The following TBCD variants were observed in gnomAD, a reference collection of about 807,000 sequenced individuals.
TBCD encodes the protein tubulin-specific chaperone D.
In TBCD, 105 loss-of-function variants were observed where a neutral mutation model predicts 169.3. The observed-to-expected ratio is 0.62, with a 90% CI of 0.53 to 0.73. TBCD has a LOEUF of 0.73. Ranked by LOEUF, TBCD falls within the 30% of genes least tolerant of loss-of-function variation. The probability of loss-of-function intolerance (pLI) is 0.00; values close to 1 mark genes in which losing one functional copy is unlikely to be tolerated. For synonymous variants in TBCD, 700 were observed against 643.9 expected, an observed-to-expected ratio of 1.09 and a Z score of -1.32; for missense variants, 1,444 against 1,600.1, an observed-to-expected ratio of 0.90 and a Z score of 1.66.
Position 82,927,979 on chromosome 17 carries a change from A to G in TBCD, c.2684A>G (p.Glu895Gly). 1.2e-6 allele frequency: 2 copies of G among 1,611,284 alleles called. No homozygotes were observed. The highest frequency in any genetic ancestry group is 8.5e-7 in the Non-Finnish European group (1 of 1,179,652). The change falls in exon 30 of 39, where the codon GAG becomes GGG. Residue 895 changes from glutamate (E) to glycine (G), a missense_variant. Transcript: ENST00000355528. ...LLARSQPELI[E>G]AHTCERIMCC... ...GCTCGGAGCCAGCCTGAGCTGATCG[A>G]GGCCCATACGTGAGTGTCACGTCGC... is the stretch of plus-strand genomic sequence containing the variant.
In TBCD at chr17:82,945,254, G is replaced by A. The variant is rs1433420448; in HGVS notation, c.*2791G>A. ...ATCTGAAAACATTATCCAGAGAACT[G>A]GAAGATATGACAGCAACATCAAGAG... On this transcript the variant is annotated 3_prime_UTR_variant, in exon 39 of 39. Coordinates refer to ENST00000355528, the MANE Select transcript of TBCD (RefSeq NM_005993.5). 6.6e-6 allele frequency: 1 copy of A among 152,214 alleles called. No homozygotes were observed. Among genetic ancestry groups the A allele is most frequent in the East Asian group, 1.9e-4 (1 of 5,200 alleles). The allele number at this position is 152,214 out of a possible 1,614,324, so 9.4% of individuals were successfully genotyped here.
At chr17:82,755,849 A>C (rs1194893148) in intron 1 of TBCD, among the ~76,000 whole-genome samples, 3 of 152,102 alleles carry the variant, frequency 2.0e-5, no homozygotes, top group Admixed American at 6.6e-5. Flanking sequence ...GGCAGGAGAG[A>C]GTGAAGGAAG....
At position 82,927,886 on chromosome 17, in the gene TBCD, C is replaced by A; in HGVS notation, c.2610-19C>A. ...CCCCCTCTCAAGCTGGGTGTCTCTGCCTCTCCTTGTCCCATCAGGGTCCGC... is the reference window on the plus strand; with the variant it reads ...CCCCCTCTCAAGCTGGGTGTCTCTGACTCTCCTTGTCCCATCAGGGTCCGC... On this transcript the variant is annotated intron_variant, in intron 29 of 38. Coordinates refer to ENST00000355528, the MANE Select transcript of TBCD (RefSeq NM_005993.5). The A allele has an allele frequency of 6.2e-7, 1 of 1,611,012 alleles. No homozygotes were observed.
At chr17:82,881,352 C>G (rs1035676321) in intron 14 of TBCD, among the ~76,000 whole-genome samples, 2 of 152,248 alleles carry the variant, frequency 1.3e-5, no homozygotes, top group African/African-American at 2.4e-5. Flanking sequence ...TAAACGGTAG[C>G]TCATTCGGTC....
chr17:82,847,136 G>A (rs574803294), intron 13 of TBCD, among the ~76,000 whole-genome samples: 1 of 152,250 alleles, frequency 6.6e-6, no homozygotes, highest in Non-Finnish European at 1.5e-5. Context: ...CGGATCATGA[G>A]GTCAGGAGAT....
chr17:82,860,964 G>C (rs538056360), intron 13 of TBCD, among the ~76,000 whole-genome samples: 117 of 152,304 alleles, frequency 7.7e-4, no homozygotes, highest in African/African-American at 2.7e-3. Context: ...TTGGCGGGGG[G>C]AGCTCTTCAG....
chr17:82,866,622 C>T (rs186748798), intron 13 of TBCD, among the ~76,000 whole-genome samples: 297 of 152,370 alleles, frequency 1.9e-3, no homozygotes, highest in South Asian at 8.9e-3. Context: ...CAGGACTTTG[C>T]GCTGTGGCCT....
intron 1 of TBCD, among the ~76,000 whole-genome samples, chr17:82,752,707 G>T (rs1018929088): frequency 1.5e-4 from 23 of 152,184 alleles, no homozygotes; most frequent in Non-Finnish European, 2.9e-4. Context: ...GTCACTGGAG[G>T]AGGTCCCTGG....
intron 2 of TBCD, among the ~76,000 whole-genome samples, chr17:82,756,727 C>T (rs2047422078): frequency 1.3e-5 from 2 of 152,212 alleles, no homozygotes; most frequent in Admixed American, 6.5e-5. Flanking sequence ...ATCCGCCTGC[C>T]TCGGCCTCCC....
At chr17:82,799,060 C>T (rs939983062) in intron 8 of TBCD, among the ~76,000 whole-genome samples, 1 of 152,172 alleles carries the variant, frequency 6.6e-6, no homozygotes, top group Non-Finnish European at 1.5e-5. Flanking sequence ...TAGATTGAGC[C>T]TCAATTTCTG....
intron 7 of TBCD, among the ~76,000 whole-genome samples, chr17:82,797,536 TATC>T (rs1476487936): frequency 6.6e-6 from 1 of 152,188 alleles, no homozygotes; most frequent in Admixed American, 6.5e-5. Context: ...GGACTGGACT[TATC>T]ATTGCATCCC....
At chr17:82,934,047 C>A (rs1001427420) in intron 34 of TBCD, among the ~76,000 whole-genome samples, 1 of 152,258 alleles carries the variant, frequency 6.6e-6, no homozygotes, top group African/African-American at 2.4e-5. Context: ...TTCTGGCCAT[C>A]TTTTGGGTGG....
chr17:82,921,600 CG>C, intron 25 of TBCD, 23 bp downstream of exon 25: 1 of 1,611,414 alleles, frequency 6.2e-7, no homozygotes, highest in Non-Finnish European at 8.5e-7. Flanking sequence ...TGGGCGTTCC[CG>C]GCCGGCGCTG....
chr17:82,862,343 A>G (rs1337403765), intron 13 of TBCD, among the ~76,000 whole-genome samples: 1 of 151,498 alleles, frequency 6.6e-6, no homozygotes, highest in African/African-American at 2.4e-5. Flanking sequence ...CCTCTGTGGA[A>G]GAGTTGGGTC....
At chr17:82,887,222 A>G (rs2058820017) in intron 15 of TBCD, among the ~76,000 whole-genome samples, 1 of 151,528 alleles carries the variant, frequency 6.6e-6, no homozygotes, top group Non-Finnish European at 1.5e-5. Flanking sequence ...TGTATCACAT[A>G]CAAATTCACG....
rs111502705 is a variant in TBCD, at chr17:82,903,814, C to T, written c.1804+336C>T. Among the ~76,000 whole-genome samples the T allele has an allele frequency of 0.17, 19,531 of 117,280 alleles. 308 individuals carry two copies. Among genetic ancestry groups the T allele is most frequent in the East Asian group, 0.34 (1,189 of 3,530 alleles). 76.9% of individuals were successfully genotyped at this position (117,280 alleles called of 152,430 possible). A position where few individuals can be genotyped will look rare whatever the true frequency, so the allele number is the denominator to read the frequency against. On this transcript the variant is annotated intron_variant, in intron 19 of 38. Coordinates refer to ENST00000355528, the MANE Select transcript of TBCD (RefSeq NM_005993.5). This position sits in a 1 kb window ranked among gnomAD's most constrained non-coding sequence, Gnocchi z 4.8. ...CTCCCTGGTCTCTAGGTGGCTCGCACCTGCCACACGACACTCCCTGGTCTC... is the reference window on the plus strand; with the variant it reads ...CTCCCTGGTCTCTAGGTGGCTCGCATCTGCCACACGACACTCCCTGGTCTC...
intron 15 of TBCD, among the ~76,000 whole-genome samples, chr17:82,888,123 T>C (rs2058880677): frequency 6.6e-6 from 1 of 152,178 alleles, no homozygotes; most frequent in South Asian, 2.1e-4. Flanking sequence ...GGCTCATGTT[T>C]TTAGTGCTTT....
intron 13 of TBCD, among the ~76,000 whole-genome samples, chr17:82,848,241 T>G (rs1054273457): frequency 6.6e-6 from 1 of 152,144 alleles, no homozygotes; most frequent in Non-Finnish European, 1.5e-5. Flanking sequence ...GCAGGCACCG[T>G]CAGAGTCAGA....
rs1190151132 is a variant in TBCD at position 82,833,740 on chromosome 17, G to A, written c.1318+18806G>A. On this transcript the variant is annotated intron_variant, in intron 13 of 38. Transcript: ENST00000355528. This position sits in a 1 kb window ranked among gnomAD's most constrained non-coding sequence, Gnocchi z 4.7. Reference sequence around the variant, plus strand: ...TTTAGAGATGGTTGGGTCATGGGAGGAAGCTGTCCTGGCCCTTAACCTTTA... The same window carrying A: ...TTTAGAGATGGTTGGGTCATGGGAGAAAGCTGTCCTGGCCCTTAACCTTTA... Among the ~76,000 whole-genome samples, 1 of 152,164 alleles carries A rather than the reference G, an allele frequency of 6.6e-6. No homozygotes were observed. The highest frequency in any genetic ancestry group is 1.5e-5 in the Non-Finnish European group (1 of 68,030).
Sources: gnomAD v4.1 joint callset for allele counts (sites outside exome capture counted in the v4.1 genomes callset) on GRCh38, gnomAD v4.1.1 for gene constraint, Gnocchi (gnomAD v3.1) non-coding constraint, MANE v1.5 for transcripts, NCBI Gene and HGNC (gene_info 2026-07-23, HGNC 2026-07-21) for gene names.